The following FIRRM variants were observed in gnomAD, a reference collection of about 807,000 sequenced individuals.
FIRRM encodes FIGNL1 interacting regulator of recombination and mitosis.
chr1:169,842,675 A>T, the FIRRM span: 1 of 951,892 alleles, frequency 1.1e-6, no homozygotes, highest in Non-Finnish European at 1.5e-6. Flanking sequence ...ATAAGAACTT[A>T]AAGTACCTGT....
At chr1:169,814,504 A>G in the FIRRM span, among the ~76,000 whole-genome samples, 1 of 152,186 alleles carries the variant, frequency 6.6e-6, no homozygotes, top group South Asian at 2.1e-4. Context: ...CCACGTGAGC[A>G]GTTTGTCTCT....
At chr1:169,830,431 C>CTA in the FIRRM span, 92,628 of 1,159,758 alleles carry the variant, frequency 0.08, 4,257 homozygotes, top group Middle Eastern at 0.096. Flanking sequence ...TATAGAAAAA[C>CTA]TGTTTCAATA....
At chr1:169,792,964 T>A in the FIRRM span, 1 of 1,614,050 alleles carries the variant, frequency 6.2e-7, no homozygotes, top group African/African-American at 1.3e-5. Context: ...CTGGCTCATT[T>A]ACATCATTTT....
the FIRRM span, among the ~76,000 whole-genome samples, chr1:169,814,548 T>G: frequency 6.6e-6 from 1 of 152,232 alleles, no homozygotes; most frequent in African/African-American, 2.4e-5. Context: ...AGTAAAAAGT[T>G]ATTGCTTGAG....
the FIRRM span, among the ~76,000 whole-genome samples, chr1:169,810,375 T>C: frequency 6.6e-6 from 1 of 152,202 alleles, no homozygotes; most frequent in African/African-American, 2.4e-5. Context: ...ACTAGGTGGC[T>C]TAAAACAATA....
chr1:169,844,212 T>A, the FIRRM span, among the ~76,000 whole-genome samples: 9,915 of 152,332 alleles, frequency 0.065, 428 homozygotes, highest in Non-Finnish European at 0.099. Context: ...ACTGCTGAAT[T>A]TCCTCTTTGG....
At chr1:169,850,554 T>C in the FIRRM span, 1 of 430,952 alleles carries the variant, frequency 2.3e-6, no homozygotes, top group Non-Finnish European at 4.2e-6. Context: ...TCCCAGCACT[T>C]TGGGAGGCCA....
the FIRRM span, among the ~76,000 whole-genome samples, chr1:169,811,276 GTAT>G: frequency 6.6e-6 from 1 of 152,092 alleles, no homozygotes; most frequent in South Asian, 2.1e-4. Flanking sequence ...TTAGAAATTT[GTAT>G]TATTCAGAAA....
At chr1:169,853,672 AAAG>A in the FIRRM span, 4 of 1,603,628 alleles carry the variant, frequency 2.5e-6, no homozygotes, top group Non-Finnish European at 3.4e-6. Context: ...TTTTTTAAAA[AAAG>A]GGAATCCTTT....
At chr1:169,813,735 A>G in the FIRRM span, among the ~76,000 whole-genome samples, 1 of 152,356 alleles carries the variant, frequency 6.6e-6, no homozygotes, top group African/African-American at 2.4e-5. Context: ...TAGCTCTTCA[A>G]GAAAGTCCAT....
At chr1:169,824,464 G>A in the FIRRM span, among the ~76,000 whole-genome samples, 4 of 151,978 alleles carry the variant, frequency 2.6e-5, no homozygotes, top group Non-Finnish European at 5.9e-5. Context: ...TTGACTCTAC[G>A]TCCTCCTACA....
At chr1:169,795,923 A>C in the FIRRM span, 2 of 985,336 alleles carry the variant, frequency 2.0e-6, no homozygotes, top group African/African-American at 3.5e-5. Flanking sequence ...GGTGCAGCAC[A>C]TTCTTGATTG....
At chr1:169,825,889 A>G in the FIRRM span, among the ~76,000 whole-genome samples, 1 of 152,246 alleles carries the variant, frequency 6.6e-6, no homozygotes, top group Non-Finnish European at 1.5e-5. Flanking sequence ...TATAGAATAC[A>G]TATCTTAGTT....
the FIRRM span, among the ~76,000 whole-genome samples, chr1:169,823,128 G>A: frequency 6.6e-6 from 1 of 151,978 alleles, no homozygotes; most frequent in East Asian, 1.9e-4. Context: ...GTACATGCCT[G>A]TAATCCCAGC....
At chr1:169,846,869 A>G in the FIRRM span, among the ~76,000 whole-genome samples, 27 of 152,320 alleles carry the variant, frequency 1.8e-4, no homozygotes, top group African/African-American at 6.5e-4. Context: ...CTAACTTGCA[A>G]AAGAGGCCTA....
chr1:169,802,355 T>A, the FIRRM span, among the ~76,000 whole-genome samples: 1 of 152,176 alleles, frequency 6.6e-6, no homozygotes, highest in Non-Finnish European at 1.5e-5. Context: ...AGTGATTTTT[T>A]AAAAAAATTG....
chr1:169,818,123 A>G, the FIRRM span, among the ~76,000 whole-genome samples: 1 of 152,218 alleles, frequency 6.6e-6, no homozygotes, highest in Non-Finnish European at 1.5e-5. Flanking sequence ...CTTTCCTTAC[A>G]TACCTGTAAT....
At chr1:169,829,991 C>G in the FIRRM span, among the ~76,000 whole-genome samples, 6 of 152,106 alleles carry the variant, frequency 3.9e-5, no homozygotes, top group Non-Finnish European at 8.8e-5. Flanking sequence ...CTTAGAGAAT[C>G]TTTGTGGATC....
the FIRRM span, among the ~76,000 whole-genome samples, chr1:169,824,870 T>C: frequency 6.6e-6 from 1 of 152,336 alleles, no homozygotes; most frequent in Non-Finnish European, 1.5e-5. Flanking sequence ...CTCAAGACTT[T>C]AAGTTTATGT....
Sources: allele counts gnomAD v4.1 joint callset (sites outside exome capture counted in the v4.1 genomes callset), GRCh38; gene constraint gnomAD v4.1.1; transcripts MANE v1.5; gene names NCBI Gene and HGNC (gene_info 2026-07-23, HGNC 2026-07-21).